The following FLOT2 variants were observed in gnomAD, a reference collection of about 807,000 sequenced individuals.
FLOT2 encodes flotillin 2, also known as flotillin-2.
In FLOT2, 35 loss-of-function variants were observed where a neutral mutation model predicts 54.9. That is an observed-to-expected ratio of 0.64 (90% CI 0.49 to 0.84). The LOEUF is 0.84. Among genes scored for constraint, FLOT2 ranks in the 40% least tolerant of loss-of-function variants. FLOT2 has a pLI of 0.00. For synonymous variants in FLOT2, 207 were observed against 228.9 expected (o/e 0.90, Z 0.86); for missense variants, 464 against 572.1 (o/e 0.81, Z 1.93).
At chr17:28,894,948 G>A (rs557030915) in intron 1 of FLOT2, among the ~76,000 whole-genome samples, 8 of 151,118 alleles carry the variant, frequency 5.3e-5, no homozygotes, top group Non-Finnish European at 1.0e-4. Flanking sequence ...GTCTCACTCT[G>A]TTGCCCAGGC....
At chr17:28,894,241 C>A (rs891752021) in intron 1 of FLOT2, among the ~76,000 whole-genome samples, 1 of 152,172 alleles carries the variant, frequency 6.6e-6, no homozygotes, top group Non-Finnish European at 1.5e-5. Context: ...AATTCCAGCA[C>A]TTTGGGAGGC....
Position 28,882,829 on chromosome 17 carries a change from G to A in FLOT2, c.347-138C>T. ...GTCTTCCTGGGGTATCTTCTCAACA[G>A]CACTTAACACCGAGCTTCCTGCTGC... On this transcript the variant is annotated intron_variant, in intron 4 of 10. Transcript: ENST00000394908. This position sits in a 1 kb window ranked among gnomAD's most constrained non-coding sequence, Gnocchi z 5.6. 1.5e-6 allele frequency: 1 copy of A among 686,358 alleles called. No individual in the cohort carries two copies. 42.5% of individuals were successfully genotyped at this position (686,358 alleles called of 1,614,324 possible).
At chr17:28,889,115 T>C in intron 1 of FLOT2, 89 bp from the exon 2 acceptor site, 2 of 1,051,644 alleles carry the variant, frequency 1.9e-6, no homozygotes, top group South Asian at 1.3e-5. Context: ...GTCCTTTACC[T>C]GCTCTGATAC....
chr17:28,889,700 C>T (rs894963259), intron 1 of FLOT2, among the ~76,000 whole-genome samples: 3 of 151,426 alleles, frequency 2.0e-5, no homozygotes, highest in East Asian at 1.9e-4. Flanking sequence ...AGTGCAGTGG[C>T]GTGATCTTGG....
At chr17:28,892,879 G>A (rs1250473499) in intron 1 of FLOT2, 1 of 152,050 alleles carries the variant, frequency 6.6e-6, no homozygotes, top group African/African-American at 2.4e-5. Flanking sequence ...TCGAACTCCT[G>A]ACCTCAGGTG....
rs1346005841 is a variant in FLOT2 at position 28,897,214 on chromosome 17, C to T, written c.49+312G>A. ...ACCAGTTCCCTCCCTCCTGGAACCC[C>T]GCGGCTTCAGTTCGGGACCCCCAAC... On this transcript the variant is annotated intron_variant, in intron 1 of 10. Transcript: ENST00000394908. This position sits in a 1 kb window ranked among gnomAD's most constrained non-coding sequence, Gnocchi z 4.4. Among the ~76,000 whole-genome samples, 1 of 152,254 alleles carries T rather than the reference C, an allele frequency of 6.6e-6. No individual in the cohort carries two copies. The highest frequency in any genetic ancestry group is 1.5e-5 in the Non-Finnish European group (1 of 68,044).
Position 28,882,490 on chromosome 17 carries a change from C to T in FLOT2, c.466-40G>A. On this transcript the variant is annotated intron_variant, in intron 5 of 10. Coordinates refer to ENST00000394908, the MANE Select transcript of FLOT2 (RefSeq NM_004475.3). This position sits in a 1 kb window ranked among gnomAD's most constrained non-coding sequence, Gnocchi z 5.6. ...GGGTATCAGAGGCTCAAAGGAGCAG[C>T]CAGAGGCACAAAGGTGCCCCTCTAA... 6 of 1,599,666 alleles carry T rather than the reference C, an allele frequency of 3.8e-6. No individual in the cohort carries two copies. Among genetic ancestry groups the T allele is most frequent in the Non-Finnish European group, 5.1e-6 (6 of 1,167,034 alleles).
chr17:28,886,060 G>C lies in FLOT2; in HGVS notation c.132-1745C>G, dbSNP rs1950730195. On this transcript the variant is annotated intron_variant, in intron 2 of 10. Coordinates refer to ENST00000394908, the MANE Select transcript of FLOT2 (RefSeq NM_004475.3). ...CACCGATGCCTGACGCCTGGGGGCGGGGGGGGGCATGCTGTCAGTAATCCA... is the reference window on the plus strand; with the variant it reads ...CACCGATGCCTGACGCCTGGGGGCGCGGGGGGGCATGCTGTCAGTAATCCA... 9.4e-6 allele frequency: 6 copies of C among 640,456 alleles called. No homozygotes were observed. In the South Asian group the frequency reaches 9.4e-5, roughly 10 times the overall value. The allele number at this position is 640,456 out of a possible 1,614,324, so 39.7% of individuals were successfully genotyped here.
intron 2 of FLOT2, among the ~76,000 whole-genome samples, chr17:28,887,107 G>A (rs553559261): frequency 2.8e-4 from 42 of 152,278 alleles, no homozygotes; most frequent in African/African-American, 9.9e-4. Context: ...GTAAGAGGGA[G>A]AGAGCCGCCC....
Position 28,897,640 on chromosome 17 carries a change from G to A in FLOT2, c.-66C>T, listed in dbSNP as rs2039767106. The A allele has an allele frequency of 9.6e-6, 13 of 1,352,962 alleles. No homozygotes were observed. Among genetic ancestry groups the A allele is most frequent in the Non-Finnish European group, 1.3e-5 (13 of 1,030,860 alleles). The allele number at this position is 1,352,962 out of a possible 1,614,324, so 83.8% of individuals were successfully genotyped here. A position where few individuals can be genotyped will look rare whatever the true frequency, so the allele number is the denominator to read the frequency against. ...CGGACAACAGCAGCGGGTCTGCAGC[G>A]CCGGCCGCGCCCAGCCTATCCCGCC... On this transcript the variant is annotated 5_prime_UTR_variant, in exon 1 of 11. Coordinates refer to ENST00000394908, the MANE Select transcript of FLOT2 (RefSeq NM_004475.3). The surrounding 1 kb of genome is among the most constrained non-coding windows in gnomAD (Gnocchi z 4.4).
chr17:28,881,894 C>G lies in FLOT2; in HGVS notation c.834G>C (p.Thr278=). 2.5e-6 allele frequency: 4 copies of G among 1,613,832 alleles called. No individual in the cohort carries two copies. Among genetic ancestry groups the G allele is most frequent in the Non-Finnish European group, 3.4e-6 (4 of 1,180,046 alleles). Residue 278 remains threonine, a synonymous_variant, in exon 8 of 11, where the codon ACG becomes ACC. Coordinates refer to ENST00000394908, the MANE Select transcript of FLOT2 (RefSeq NM_004475.3). ...GCACTGTAGCGATGAGCTCCTTGTCCGTACGCAGGATCTCCTGTGCCTCCA... is the reference window on the plus strand; with the variant it reads ...GCACTGTAGCGATGAGCTCCTTGTCGGTACGCAGGATCTCCTGTGCCTCCA... ...IAVEAQEILR[T]DKELIATVRR... is the part of the protein sequence containing the mutation.
Position 28,881,262 on chromosome 17 carries a change from A to T in FLOT2, c.1028T>A (p.Leu343His). 6.2e-7 allele frequency: 1 copy of T among 1,614,156 alleles called. No homozygotes were observed. Among genetic ancestry groups the T allele is most frequent in the Non-Finnish European group, 8.5e-7 (1 of 1,180,036 alleles). The change falls in exon 9 of 11, where the codon CTC becomes CAC. Residue 343 changes from leucine (L) to histidine (H), a missense_variant. Leu to His is a moderately conservative substitution (Grantham distance 99). Transcript: ENST00000394908. Reference protein sequence around the residue: ...MGKAEAERMKLKAEAYQKYGD... With the variant: ...MGKAEAERMKHKAEAYQKYGD... The stretch of plus-strand genomic sequence containing the variant: ...GTATTTCTGGTAGGCTTCTGCCTTG[A>T]GCTTCATCCGCTCAGCCTCTGCCTT...
Position 28,896,541 on chromosome 17 carries a change from T to C in FLOT2, c.49+985A>G, listed in dbSNP as rs554233197. Among the ~76,000 whole-genome samples, 29 of 152,286 alleles carry C rather than the reference T, an allele frequency of 1.9e-4. No individual in the cohort carries two copies. The East Asian group carries it at 5.6e-3, about 29-fold the overall frequency. On this transcript the variant is annotated intron_variant, in intron 1 of 10. Transcript: ENST00000394908. The stretch of plus-strand genomic sequence containing the variant: ...GAGAGATTGATTTTGAGATCCAAAG[T>C]GAGCCTGAAGCCATGTTTTGGAATG...
Position 28,882,058 on chromosome 17 carries a change from A to C in FLOT2, c.700-30T>G. ...GGCAAGAGGGTGTGTGGCACATTAG[A>C]GGCTGGTCACCAAGTCCTGATCCCT... On this transcript the variant is annotated intron_variant, in intron 7 of 10. Coordinates refer to ENST00000394908, the MANE Select transcript of FLOT2 (RefSeq NM_004475.3). The surrounding 1 kb of genome is among the most constrained non-coding windows in gnomAD (Gnocchi z 5.6). The C allele has an allele frequency of 1.2e-6, 2 of 1,614,052 alleles. No individual in the cohort carries two copies. The highest frequency in any genetic ancestry group is 1.7e-6 in the Non-Finnish European group (2 of 1,179,942).
chr17:28,880,962 A>C, intron 9 of FLOT2, 100 bp from the exon 10 acceptor site: 4 of 1,440,850 alleles, frequency 2.8e-6, no homozygotes, highest in Non-Finnish European at 3.9e-6. Context: ...TCCAACCCCA[A>C]AGCAGCCTGG....
At chr17:28,885,927 G>A (rs1210142330) in intron 2 of FLOT2, 2 of 1,550,116 alleles carry the variant, frequency 1.3e-6, no homozygotes, top group African/African-American at 2.7e-5. Context: ...ACACAGGATG[G>A]TCATAACCTC....
intron 1 of FLOT2, among the ~76,000 whole-genome samples, chr17:28,893,543 C>T (rs528599910): frequency 6.6e-5 from 10 of 152,034 alleles, no homozygotes; most frequent in South Asian, 4.2e-4. Context: ...TTCCATACAT[C>T]GCAATGCCTG....
Position 28,882,407 on chromosome 17 carries a change from G to A in FLOT2, c.509C>T (p.Thr170Met), listed in dbSNP as rs138029483. The change falls in exon 6 of 11, where the codon ACG (threonine) becomes ATG (methionine). Residue 170 changes from threonine (T) to methionine (M), a missense_variant. Physicochemically the swap from Thr to Met is moderately conservative, Grantham distance 81. Transcript: ENST00000394908. The surrounding 1 kb of genome is among the most constrained non-coding windows in gnomAD (Gnocchi z 5.6). Reference protein sequence around the residue: ...KVDYLSSLGKTQTAVVQRDAD... With the variant: ...KVDYLSSLGKMQTAVVQRDAD... ...ATCTCTCTGCACCACGGCAGTCTGC[G>A]TCTTGCCCAGGGAGCTCAGATAGTC... 1.8e-5 allele frequency: 29 copies of A among 1,614,116 alleles called. No homozygotes were observed. The highest frequency in any genetic ancestry group is 2.3e-5 in the Non-Finnish European group (27 of 1,180,024).
chr17:28,879,953 G>A lies in FLOT2; in HGVS notation c.*608C>T. 1.0e-6 allele frequency: 1 copy of A among 987,384 alleles called. No homozygotes were observed. The allele number at this position is 987,384 out of a possible 1,614,324, so 61.2% of individuals were successfully genotyped here. The stretch of plus-strand genomic sequence containing the variant: ...GTCAGGGAGAAAGGACAGGGTATGA[G>A]CGCTGGCTGGGGCCTTGGGTGGATG... On this transcript the variant is annotated 3_prime_UTR_variant, in exon 11 of 11. Transcript: ENST00000394908.
Sources: allele counts gnomAD v4.1 joint callset (sites outside exome capture counted in the v4.1 genomes callset), GRCh38; gene constraint gnomAD v4.1.1; non-coding constraint Gnocchi (gnomAD v3.1); transcripts MANE v1.5; gene names NCBI Gene and HGNC (gene_info 2026-07-23, HGNC 2026-07-21).